REDIC1: variants seen among roughly 807,000 people sequenced by gnomAD.
REDIC1 encodes the protein regulator of DNA class I crossover intermediates 1, also known as HEI10 Interacting Protein 1.
At chr12:39,814,228 A>C in the REDIC1 span, among the ~76,000 whole-genome samples, 1 of 152,108 alleles carries the variant, frequency 6.6e-6, no homozygotes, top group Non-Finnish European at 1.5e-5. Context: ...TCATTGCTTT[A>C]CCTCCCCAGG....
chr12:39,893,921 T>C, the REDIC1 span, among the ~76,000 whole-genome samples: 1 of 152,224 alleles, frequency 6.6e-6, no homozygotes. Context: ...TATTGAACAA[T>C]AAATTAACTT....
At chr12:39,817,618 C>T in the REDIC1 span, among the ~76,000 whole-genome samples, 68 of 152,220 alleles carry the variant, frequency 4.5e-4, 2 homozygotes, top group East Asian at 0.011. Flanking sequence ...TCTATATTCA[C>T]GAAAAAGTTA....
chr12:39,700,218 G>A, the REDIC1 span, among the ~76,000 whole-genome samples: 120,494 of 151,956 alleles, frequency 0.79, 48,492 homozygotes, highest in Non-Finnish European at 0.87. Flanking sequence ...TGTATAACTA[G>A]AATAACCAAT....
chr12:39,783,264 C>A, the REDIC1 span, among the ~76,000 whole-genome samples: 7 of 152,208 alleles, frequency 4.6e-5, no homozygotes, highest in Admixed American at 1.3e-4. Context: ...TTAATTCACT[C>A]TATCACTGAT....
At chr12:39,857,483 G>A in the REDIC1 span, among the ~76,000 whole-genome samples, 8 of 152,154 alleles carry the variant, frequency 5.3e-5, no homozygotes, top group Admixed American at 1.3e-4. Context: ...AAAATATCTC[G>A]TTTCTCTATA....
the REDIC1 span, among the ~76,000 whole-genome samples, chr12:39,848,689 G>A: frequency 3.3e-5 from 5 of 152,176 alleles, no homozygotes; most frequent in Non-Finnish European, 7.4e-5. Context: ...GCAGAGGAAT[G>A]TAAAGCATTC....
chr12:39,703,063 A>G, the REDIC1 span, among the ~76,000 whole-genome samples: 2 of 152,186 alleles, frequency 1.3e-5, no homozygotes, highest in African/African-American at 2.4e-5. Flanking sequence ...TATTCAACAT[A>G]GTGTTGGAAG....
At chr12:39,851,246 C>T in the REDIC1 span, among the ~76,000 whole-genome samples, 1 of 152,140 alleles carries the variant, frequency 6.6e-6, no homozygotes, top group Non-Finnish European at 1.5e-5. Context: ...ATAAATATTT[C>T]ATTTGTTTCC....
At chr12:39,713,940 T>C in the REDIC1 span, among the ~76,000 whole-genome samples, 3 of 148,566 alleles carry the variant, frequency 2.0e-5, no homozygotes, top group South Asian at 4.2e-4. Context: ...TATGTGCATA[T>C]ACCTATATAT....
At chr12:39,689,306 A>G in the REDIC1 span, among the ~76,000 whole-genome samples, 1 of 152,184 alleles carries the variant, frequency 6.6e-6, no homozygotes, top group African/African-American at 2.4e-5. Context: ...ATTATTACAC[A>G]AGAGAGAAAT....
the REDIC1 span, among the ~76,000 whole-genome samples, chr12:39,659,227 A>AT: frequency 2.0e-5 from 3 of 151,100 alleles, no homozygotes; most frequent in South Asian, 6.3e-4. Context: ...TGTTTTTGTG[A>AT]TTTTTCTGTC....
At chr12:39,710,171 G>A in the REDIC1 span, among the ~76,000 whole-genome samples, 2 of 151,534 alleles carry the variant, frequency 1.3e-5, no homozygotes, top group Admixed American at 1.3e-4. Context: ...TTTTTATTCT[G>A]TTCTTTTAAA....
chr12:39,781,298 G>A, the REDIC1 span, among the ~76,000 whole-genome samples: 1 of 152,132 alleles, frequency 6.6e-6, no homozygotes, highest in Non-Finnish European at 1.5e-5. Context: ...TCCTGGCACT[G>A]GCACAAAGAA....
chr12:39,751,662 T>A, the REDIC1 span, among the ~76,000 whole-genome samples: 2 of 152,138 alleles, frequency 1.3e-5, no homozygotes, highest in African/African-American at 2.4e-5. Context: ...CAAATGTCCA[T>A]CAATGATAGA....
chr12:39,696,729 A>G, the REDIC1 span, among the ~76,000 whole-genome samples: 13 of 152,154 alleles, frequency 8.5e-5, no homozygotes, highest in Middle Eastern at 6.8e-3. Flanking sequence ...AAAGAGATTG[A>G]AATAATTAAA....
At chr12:39,803,806 G>T in the REDIC1 span, among the ~76,000 whole-genome samples, 1 of 152,134 alleles carries the variant, frequency 6.6e-6, no homozygotes, top group African/African-American at 2.4e-5. Flanking sequence ...AGATAATATG[G>T]TAAGTAATAT....
the REDIC1 span, among the ~76,000 whole-genome samples, chr12:39,734,137 C>T: frequency 1.3e-5 from 2 of 152,176 alleles, no homozygotes; most frequent in Non-Finnish European, 2.9e-5. Flanking sequence ...CACAGTCCCT[C>T]ACAGCTTCCC....
At chr12:39,888,243 GAGA>G in the REDIC1 span, among the ~76,000 whole-genome samples, 1 of 151,976 alleles carries the variant, frequency 6.6e-6, no homozygotes, top group African/African-American at 2.4e-5. Flanking sequence ...TATTTATTTT[GAGA>G]AGGAGTCTCA....
the REDIC1 span, among the ~76,000 whole-genome samples, chr12:39,736,537 T>A: frequency 6.6e-6 from 1 of 152,252 alleles, no homozygotes; most frequent in South Asian, 2.1e-4. Context: ...TACAATTTCT[T>A]TGGCACTCCT....
Sources: allele counts gnomAD v4.1 joint callset (sites outside exome capture counted in the v4.1 genomes callset), GRCh38; gene constraint gnomAD v4.1.1; transcripts MANE v1.5; gene names NCBI Gene and HGNC (gene_info 2026-07-23, HGNC 2026-07-21).